The following DENND2A variants were observed in gnomAD, a reference collection of about 807,000 sequenced individuals.
DENND2A encodes the protein DENN domain containing 2A, also known as DENN domain-containing protein 2A.
DENND2A carries 53 observed loss-of-function variants against 105.3 expected under a neutral mutation model. The observed-to-expected ratio is 0.50, with a 90% confidence interval of 0.40 to 0.63. The LOEUF (loss-of-function observed/expected upper bound fraction) is 0.63. Ranked by LOEUF, DENND2A falls within the 30% of genes least tolerant of loss-of-function variation. The pLI is 0.00. For missense variants in DENND2A, 1,138 were observed against 1,279.6 expected (o/e 0.89, Z 1.69); for synonymous variants, 522 against 508.4 (o/e 1.03, Z -0.36).
intron 1 of DENND2A, among the ~76,000 whole-genome samples, chr7:140,613,989 C>A (rs150348995): frequency 1.3e-5 from 2 of 152,206 alleles, no homozygotes; most frequent in African/African-American, 2.4e-5. Flanking sequence ...CATCACCTAC[C>A]CTTCTCCCCT....
chr7:140,564,375 T>C (rs2130585338), intron 9 of DENND2A, among the ~76,000 whole-genome samples: 1 of 151,936 alleles, frequency 6.6e-6, no homozygotes, highest in African/African-American at 2.4e-5. Context: ...AAAAATAGAC[T>C]AGGGAATACT....
chr7:140,593,126 A>G (rs940504363), intron 3 of DENND2A, among the ~76,000 whole-genome samples: 2 of 152,250 alleles, frequency 1.3e-5, no homozygotes, highest in African/African-American at 4.8e-5. Flanking sequence ...GTGAAAGGTT[A>G]ATGAACGATA....
chr7:140,603,117 T>C (rs1799576916), intron 2 of DENND2A, among the ~76,000 whole-genome samples: 2 of 152,012 alleles, frequency 1.3e-5, no homozygotes, highest in Admixed American at 1.3e-4. Context: ...ACCCCGTCTG[T>C]ACTAAAAATA....
intron 1 of DENND2A, among the ~76,000 whole-genome samples, chr7:140,629,341 G>A (rs1345474497): frequency 3.9e-5 from 6 of 152,112 alleles, no homozygotes; most frequent in Non-Finnish European, 8.8e-5. Flanking sequence ...AAGAGGTAGC[G>A]CCTGGTGGCC....
intron 12 of DENND2A, among the ~76,000 whole-genome samples, chr7:140,547,806 C>CAA (rs1285665056): frequency 6.6e-6 from 1 of 152,126 alleles, no homozygotes; most frequent in Non-Finnish European, 1.5e-5. Context: ...ATTTGGCCAT[C>CAA]AAAGTGCTGA....
chr7:140,619,436 A>G (rs1800199634), intron 1 of DENND2A, among the ~76,000 whole-genome samples: 1 of 151,790 alleles, frequency 6.6e-6, no homozygotes, highest in African/African-American at 2.4e-5. Flanking sequence ...GGGTGATGAA[A>G]GTGTTCTAAA....
At chr7:140,617,073 G>A (rs1424040368) in intron 1 of DENND2A, among the ~76,000 whole-genome samples, 2 of 152,192 alleles carry the variant, frequency 1.3e-5, no homozygotes, top group Admixed American at 6.5e-5. Flanking sequence ...GGCCAGGATG[G>A]TCTCGAACTC....
chr7:140,612,594 C>T (rs1370804207), intron 1 of DENND2A, among the ~76,000 whole-genome samples: 4 of 151,812 alleles, frequency 2.6e-5, no homozygotes, highest in Non-Finnish European at 4.4e-5. Context: ...CTCCACCTCG[C>T]GGGTTCCAGC....
intron 5 of DENND2A, among the ~76,000 whole-genome samples, chr7:140,579,035 C>T (rs1414294239): frequency 1.3e-5 from 2 of 152,272 alleles, no homozygotes; most frequent in Middle Eastern, 3.4e-3. Context: ...GTGGCTCATG[C>T]CTGTAATTCC....
intron 12 of DENND2A, among the ~76,000 whole-genome samples, chr7:140,547,558 T>C (rs966468562): frequency 6.6e-6 from 1 of 152,202 alleles, no homozygotes; most frequent in Non-Finnish European, 1.5e-5. Flanking sequence ...GAAGCTACTC[T>C]GGAGAACAGT....
Position 140,601,529 on chromosome 7 carries a change from C to G in DENND2A, c.869G>C (p.Arg290Thr), listed in dbSNP as rs1799491952. 9 of 1,614,064 alleles carry G rather than the reference C, an allele frequency of 5.6e-6. No individual in the cohort carries two copies. The highest frequency in any genetic ancestry group is 7.6e-6 in the Non-Finnish European group (9 of 1,180,032). ...DKDGKPGIGF[R>T]KEKRNLPPLP... is the part of the protein sequence containing the mutation. The stretch of plus-strand genomic sequence containing the variant: ...AGGAGGCAGATTTCTTTTCTCTTTC[C>G]TGAAGCCGATGCCAGGCTTCCCATC... Residue 290 changes from arginine (R) to threonine (T), a missense_variant, in exon 3 of 20, where the codon AGG (arginine) becomes ACG (threonine). Arg to Thr is a moderately conservative substitution (Grantham distance 71). Coordinates refer to ENST00000496613, the MANE Select transcript of DENND2A (RefSeq NM_015689.5).
At chr7:140,607,412 A>T (rs1799732357) in intron 1 of DENND2A, among the ~76,000 whole-genome samples, 2 of 152,006 alleles carry the variant, frequency 1.3e-5, no homozygotes, top group Non-Finnish European at 2.9e-5. Flanking sequence ...GGGAACAGAC[A>T]CATCTGCCAA....
chr7:140,532,634 ACT>A (rs1404652545), intron 14 of DENND2A, among the ~76,000 whole-genome samples: 1 of 152,104 alleles, frequency 6.6e-6, no homozygotes, highest in East Asian at 1.9e-4. Flanking sequence ...GGCTAAAGTA[ACT>A]CTGAATGTAG....
At chr7:140,525,547 G>A (rs1244915515) in intron 16 of DENND2A, among the ~76,000 whole-genome samples, 1 of 152,160 alleles carries the variant, frequency 6.6e-6, no homozygotes, top group African/African-American at 2.4e-5. Flanking sequence ...GTCAGAACAC[G>A]TAGAAAGCAA....
chr7:140,546,531 G>T (rs189828806), intron 13 of DENND2A, among the ~76,000 whole-genome samples: 2 of 152,238 alleles, frequency 1.3e-5, no homozygotes, highest in African/African-American at 4.8e-5. Context: ...AGGATGTTCA[G>T]TGCAGATCCC....
At chr7:140,534,771 A>G (rs12113039) in intron 14 of DENND2A, among the ~76,000 whole-genome samples, 6,163 of 152,178 alleles carry the variant, frequency 0.04, 396 homozygotes, top group African/African-American at 0.14. Context: ...GAGAGTCCTC[A>G]CTCGCAGCTG....
At chr7:140,595,691 C>T (rs927174538) in intron 3 of DENND2A, among the ~76,000 whole-genome samples, 2 of 151,958 alleles carry the variant, frequency 1.3e-5, no homozygotes, top group Admixed American at 1.3e-4. Flanking sequence ...ATCACTTGGC[C>T]CAGGAGGCGG....
At chr7:140,636,592 C>T (rs1800944589) in intron 1 of DENND2A, among the ~76,000 whole-genome samples, 1 of 151,926 alleles carries the variant, frequency 6.6e-6, no homozygotes, top group South Asian at 2.1e-4. Flanking sequence ...TCAACCTCAG[C>T]TGTACCTTAA....
At chr7:140,627,086 C>T (rs1229615751) in intron 1 of DENND2A, among the ~76,000 whole-genome samples, 1 of 152,210 alleles carries the variant, frequency 6.6e-6, no homozygotes, top group Non-Finnish European at 1.5e-5. Flanking sequence ...CAGCACAGTG[C>T]ATAGCCCAGA....
Sources: gnomAD v4.1 joint callset for allele counts (sites outside exome capture counted in the v4.1 genomes callset) on GRCh38, gnomAD v4.1.1 for gene constraint, MANE v1.5 for transcripts, NCBI Gene and HGNC (gene_info 2026-07-23, HGNC 2026-07-21) for gene names.